Variants in PIEZO2 observed in about 807,000 individuals in gnomAD.
The protein encoded by PIEZO2 is piezo-type mechanosensitive ion channel component 2.
PIEZO2 carries 172 observed loss-of-function variants against 337.3 expected under a neutral mutation model. The observed-to-expected ratio is 0.51, with a 90% CI of 0.45 to 0.58. The LOEUF (loss-of-function observed/expected upper bound fraction) is 0.58, where lower values mean the gene tolerates loss of function less well. Ranked by LOEUF, PIEZO2 falls within the 20% of genes least tolerant of loss-of-function variation. The pLI, the probability that PIEZO2 is intolerant of heterozygous loss-of-function variation, is 0.00. For synonymous variants in PIEZO2, 1,251 were observed against 1,228.5 expected (o/e 1.02, Z -0.38); for missense variants, 3,028 against 3,391.3 (o/e 0.89, Z 2.66).
chr18:11,055,247 G>C (rs2037685474), intron 2 of PIEZO2, among the ~76,000 whole-genome samples: 1 of 151,794 alleles, frequency 6.6e-6, no homozygotes, highest in Non-Finnish European at 1.5e-5. Context: ...TTCACCAAGG[G>C]GCAGGGGCAG....
intron 3 of PIEZO2, among the ~76,000 whole-genome samples, chr18:10,927,884 A>C (rs1464260082): frequency 1.3e-5 from 2 of 152,192 alleles, no homozygotes; most frequent in Non-Finnish European, 2.9e-5. Flanking sequence ...TTTAGGTCAA[A>C]TTGGAGATAT....
Position 10,863,206 on chromosome 18 carries a change from A to C in PIEZO2, c.493-5995T>G, listed in dbSNP as rs2041920877. 6.6e-6 allele frequency among the ~76,000 whole-genome samples: 1 copy of C among 152,230 alleles called. No homozygotes were observed. Among genetic ancestry groups the C allele is most frequent in the African/African-American group, 2.4e-5 (1 of 41,458 alleles). On this transcript the variant is annotated intron_variant, in intron 5 of 55. Coordinates refer to ENST00000674853, the MANE Select transcript of PIEZO2 (RefSeq NM_001378183.1). The surrounding 1 kb of genome is among the most constrained non-coding windows in gnomAD (Gnocchi z 4.3). Reference sequence around the variant, plus strand: ...CTCAATACAAGAGCCAGAGGAAGGAAAAGACAAGGTTGTGACTCACTGCAG... The same window carrying C: ...CTCAATACAAGAGCCAGAGGAAGGACAAGACAAGGTTGTGACTCACTGCAG...
chr18:10,677,667 C>T lies in PIEZO2; in HGVS notation c.8081+80G>A. 1 of 1,475,740 alleles carries T rather than the reference C, an allele frequency of 6.8e-7. No homozygotes were observed. Among genetic ancestry groups the T allele is most frequent in the Non-Finnish European group, 9.2e-7 (1 of 1,084,206 alleles). The allele number at this position is 1,475,740 out of a possible 1,614,324, so 91.4% of individuals were successfully genotyped here. On this transcript the variant is annotated intron_variant, in intron 53 of 55. Transcript: ENST00000674853. This position sits in a 1 kb window ranked among gnomAD's most constrained non-coding sequence, Gnocchi z 4.1. ...AAAGAATGAAGTTGCATTCCTCATA[C>T]ACATGAATCTGTAGATGGACATTTT...
chr18:11,022,225 G>A (rs1420749772), intron 2 of PIEZO2, among the ~76,000 whole-genome samples: 2 of 152,162 alleles, frequency 1.3e-5, no homozygotes, highest in South Asian at 2.1e-4. Flanking sequence ...CCCTAACTGT[G>A]CAGGCCTGAC....
chr18:10,821,736 T>C lies in PIEZO2; in HGVS notation c.918-14462A>G, dbSNP rs906141382. ...AGCACCATCCTGCGCCCTCCCTGTC[T>C]CTCACCATTTACAACATAGACCTCA... On this transcript the variant is annotated intron_variant, in intron 7 of 55. Transcript: ENST00000674853. The surrounding 1 kb of genome is among the most constrained non-coding windows in gnomAD (Gnocchi z 4.2). 6.6e-6 allele frequency among the ~76,000 whole-genome samples: 1 copy of C among 152,146 alleles called. No individual in the cohort carries two copies. Among genetic ancestry groups the C allele is most frequent in the Non-Finnish European group, 1.5e-5 (1 of 68,024 alleles).
chr18:10,762,663 C>G (rs545986799), intron 22 of PIEZO2, 38 bp from the exon 23 acceptor site: 1 of 1,531,416 alleles, frequency 6.5e-7, no homozygotes, highest in Non-Finnish European at 8.7e-7. Flanking sequence ...AAAAATAGCT[C>G]CACAGATTAG....
chr18:10,785,025 T>TGTAGTTTATCACAAAG, intron 16 of PIEZO2, 68 bp from the exon 17 acceptor site: 1 of 1,440,312 alleles, frequency 6.9e-7, no homozygotes, highest in Non-Finnish European at 9.2e-7. Context: ...CTCTTTGTGA[T>TGTAGTTTATCACAAAG]AAACTACATC....
Position 10,736,584 on chromosome 18 carries a change from A to G in PIEZO2, c.4815+20T>C. 1 of 1,536,834 alleles carries G rather than the reference A, an allele frequency of 6.5e-7. No individual in the cohort carries two copies. Among genetic ancestry groups the G allele is most frequent in the South Asian group, 1.2e-5 (1 of 83,940 alleles). On this transcript the variant is annotated intron_variant, in intron 34 of 55. Coordinates refer to ENST00000674853, the MANE Select transcript of PIEZO2 (RefSeq NM_001378183.1). ...AAAAGCTCTTCCAACTAGCAAAGAAATGATTTTCCCCATAATTACCTGGAA... is the reference window on the plus strand; with the variant it reads ...AAAAGCTCTTCCAACTAGCAAAGAAGTGATTTTCCCCATAATTACCTGGAA...
intron 2 of PIEZO2, among the ~76,000 whole-genome samples, chr18:11,064,169 A>AT (rs2038071313): frequency 6.6e-6 from 1 of 152,194 alleles, no homozygotes; most frequent in Admixed American, 6.5e-5. Context: ...CAAAACACAG[A>AT]TTTTAGAAAC....
chr18:10,775,533 C>T lies in PIEZO2; in HGVS notation c.2535-1495G>A, dbSNP rs557602560. ...ACATTGACACTGCTGCAATCTCATA[C>T]GACAAGAAAACTACTTTCTAACAAT... On this transcript the variant is annotated intron_variant, in intron 18 of 55. Transcript: ENST00000674853. The surrounding 1 kb of genome is among the most constrained non-coding windows in gnomAD (Gnocchi z 4.3). 1.3e-4 allele frequency among the ~76,000 whole-genome samples: 20 copies of T among 152,250 alleles called. No homozygotes were observed. Among genetic ancestry groups the T allele is most frequent in the African/African-American group, 3.4e-4 (14 of 41,544 alleles).
chr18:10,831,050 A>C (rs942115063), intron 7 of PIEZO2, among the ~76,000 whole-genome samples: 1 of 152,230 alleles, frequency 6.6e-6, no homozygotes, highest in Non-Finnish European at 1.5e-5. Flanking sequence ...ATGTGGAGAA[A>C]AGGGAACCCT....
rs1598461689 is a variant in PIEZO2, at chr18:10,773,896, C to T, written c.2567+110G>A. Reference sequence around the variant, plus strand: ...TAGTTGGTAATGAGAGCTATCAACACCTAAACTTGACATTTTTCCCAGAGG... The same window carrying T: ...TAGTTGGTAATGAGAGCTATCAACATCTAAACTTGACATTTTTCCCAGAGG... On this transcript the variant is annotated intron_variant, in intron 19 of 55. Coordinates refer to ENST00000674853, the MANE Select transcript of PIEZO2 (RefSeq NM_001378183.1). The surrounding 1 kb of genome is among the most constrained non-coding windows in gnomAD (Gnocchi z 5.3). 3.0e-6 allele frequency: 2 copies of T among 658,788 alleles called. No individual in the cohort carries two copies. The highest frequency in any genetic ancestry group is 4.8e-5 in the Admixed American group (2 of 41,808). 40.8% of individuals were successfully genotyped at this position (658,788 alleles called of 1,614,324 possible). A position where few individuals can be genotyped will look rare whatever the true frequency, so the allele number is the denominator to read the frequency against.
intron 47 of PIEZO2, among the ~76,000 whole-genome samples, chr18:10,692,471 C>T (rs571379511): frequency 1.3e-5 from 2 of 149,766 alleles, no homozygotes; most frequent in South Asian, 4.3e-4. Context: ...TCTTCCTTCC[C>T]TCCCTCCCTC....
rs2036025216 is a variant in PIEZO2 at position 10,716,735 on chromosome 18, T to C, written c.5090-919A>G. Reference sequence around the variant, plus strand: ...TCAGATAGAGCCTCTAGCTGCTCTGTGTAGACATAAAGGGGAAGCTTGGCT... The same window carrying C: ...TCAGATAGAGCCTCTAGCTGCTCTGCGTAGACATAAAGGGGAAGCTTGGCT... On this transcript the variant is annotated intron_variant, in intron 37 of 55. Coordinates refer to ENST00000674853, the MANE Select transcript of PIEZO2 (RefSeq NM_001378183.1). The surrounding 1 kb of genome is among the most constrained non-coding windows in gnomAD (Gnocchi z 4.1). 6.6e-6 allele frequency among the ~76,000 whole-genome samples: 1 copy of C among 152,214 alleles called. No homozygotes were observed. Among genetic ancestry groups the C allele is most frequent in the Non-Finnish European group, 1.5e-5 (1 of 68,044 alleles).
chr18:10,792,814 A>AC (rs2039449224), intron 13 of PIEZO2, among the ~76,000 whole-genome samples: 1 of 152,200 alleles, frequency 6.6e-6, no homozygotes, highest in African/African-American at 2.4e-5. Flanking sequence ...TGCTGGTCTT[A>AC]TGGAAATTTT....
At chr18:10,905,215 A>G (rs950831358) in intron 4 of PIEZO2, among the ~76,000 whole-genome samples, 1 of 152,212 alleles carries the variant, frequency 6.6e-6, no homozygotes, top group Non-Finnish European at 1.5e-5. Flanking sequence ...AATCTAACAT[A>G]AGAACAGGGT....
chr18:10,918,238 A>G (rs1188316728), intron 3 of PIEZO2, among the ~76,000 whole-genome samples: 2 of 152,178 alleles, frequency 1.3e-5, no homozygotes, highest in Non-Finnish European at 2.9e-5. Flanking sequence ...TTAATAGATT[A>G]AAAGTAATTG....
chr18:11,129,257 C>T lies in PIEZO2; in HGVS notation c.64+19268G>A, dbSNP rs999662856. The stretch of plus-strand genomic sequence containing the variant: ...CTTTGGAACCACAGTCACTCAACTA[C>T]AAAACTTAAATACAATGAGAATAAT... On this transcript the variant is annotated intron_variant, in intron 1 of 55. Coordinates refer to ENST00000674853, the MANE Select transcript of PIEZO2 (RefSeq NM_001378183.1). The surrounding 1 kb of genome is among the most constrained non-coding windows in gnomAD (Gnocchi z 4.6). Among the ~76,000 whole-genome samples, 2 of 152,104 alleles carry T rather than the reference C, an allele frequency of 1.3e-5. No homozygotes were observed. Among genetic ancestry groups the T allele is most frequent in the Non-Finnish European group, 2.9e-5 (2 of 68,010 alleles).
chr18:10,818,088 T>C (rs1167445422), intron 7 of PIEZO2, among the ~76,000 whole-genome samples: 1 of 152,072 alleles, frequency 6.6e-6, no homozygotes, highest in Non-Finnish European at 1.5e-5. Context: ...AAAATACAGA[T>C]AAATAGACTA....
Sources: gnomAD v4.1 joint callset for allele counts (sites outside exome capture counted in the v4.1 genomes callset) on GRCh38, gnomAD v4.1.1 for gene constraint, Gnocchi (gnomAD v3.1) non-coding constraint, MANE v1.5 for transcripts, NCBI Gene and HGNC (gene_info 2026-07-23, HGNC 2026-07-21) for gene names.